Variants in PTPA observed in about 807,000 individuals in gnomAD.
PTPA encodes serine/threonine-protein phosphatase 2A activator.
A neutral mutation model predicts 43.6 loss-of-function variants in PTPA; 13 were observed. The observed-to-expected ratio is 0.30, with a 90% CI of 0.19 to 0.47. PTPA has a LOEUF of 0.47. Among genes scored for constraint, PTPA ranks in the 20% least tolerant of loss-of-function variants. The pLI, the probability that PTPA is intolerant of heterozygous loss-of-function variation, is 0.99. For synonymous variants in PTPA, 172 were observed against 158.2 expected (o/e 1.09, Z -0.66); for missense variants, 329 against 411.9 (o/e 0.80, Z 1.74).
At chr9:129,116,409 C>T (rs569064333) in intron 1 of PTPA, among the ~76,000 whole-genome samples, 5 of 119,362 alleles carry the variant, frequency 4.2e-5, no homozygotes, top group African/African-American at 7.5e-5. Flanking sequence ...TTTTTTGAGA[C>T]GGAGTCTCGC....
intron 8 of PTPA, among the ~76,000 whole-genome samples, chr9:129,139,067 AC>A (rs1850580654): frequency 6.6e-6 from 1 of 152,198 alleles, no homozygotes; most frequent in Admixed American, 6.5e-5. Context: ...TGCAGATGCC[AC>A]ACTGAGTTCT....
At chr9:129,141,523 TTAA>T (rs1850828829) in intron 8 of PTPA, 1 of 152,244 alleles carries the variant, frequency 6.6e-6, no homozygotes, top group Non-Finnish European at 1.5e-5. Context: ...AACTGCTTGG[TTAA>T]TAAATACAAA....
intron 6 of PTPA, 33 bp from the exon 7 acceptor site, chr9:129,136,438 T>C: frequency 6.3e-7 from 1 of 1,587,302 alleles, no homozygotes; most frequent in Non-Finnish European, 8.6e-7. Context: ...TTTTACTTTT[T>C]GCTACCTTCC....
In PTPA at chr9:129,135,164, G is replaced by A. The variant is rs369496398; in HGVS notation, c.560+270G>A. Among the ~76,000 whole-genome samples, 25 of 152,332 alleles carry A rather than the reference G, an allele frequency of 1.6e-4. 1 individual carries two copies. The East Asian group carries it at 3.9e-3, about 23-fold the overall frequency. ...AATCCCAGGACTTTGGGAGGCCCAG[G>A]CAGGCGGATCACGAGGTCAGGTGTT... is the stretch of plus-strand genomic sequence containing the variant. On this transcript the variant is annotated intron_variant, in intron 6 of 9. Transcript: ENST00000393370.
chr9:129,137,847 C>A, intron 8 of PTPA, 155 bp downstream of exon 8: 1 of 722,980 alleles, frequency 1.4e-6, no homozygotes, highest in Non-Finnish European at 2.5e-6. Flanking sequence ...ACCACTGGGC[C>A]TCTTCCGAAA....
chr9:129,138,196 G>A (rs1850510150), intron 8 of PTPA: 1 of 210,990 alleles, frequency 4.7e-6, no homozygotes, highest in Non-Finnish European at 9.8e-6. Context: ...TGCTGGAGTG[G>A]GAGTGCGCAG....
chr9:129,138,674 C>T (rs1169198468), intron 8 of PTPA, among the ~76,000 whole-genome samples: 3 of 152,338 alleles, frequency 2.0e-5, no homozygotes, highest in Middle Eastern at 3.4e-3. Context: ...GCCACGGGGG[C>T]TGCTCTCCGT....
At chr9:129,143,156 C>T (rs1851019129) in intron 9 of PTPA, 5 of 607,192 alleles carry the variant, frequency 8.2e-6, no homozygotes, top group Non-Finnish European at 1.5e-5. Context: ...AGGGTGTCTC[C>T]TGCCCTCTTG....
intron 3 of PTPA, among the ~76,000 whole-genome samples, chr9:129,127,129 C>T (rs533644586): frequency 6.1e-4 from 93 of 152,320 alleles, no homozygotes; most frequent in African/African-American, 2.2e-3. Flanking sequence ...GCCATCCTAG[C>T]CCTCTGCCTT....
upstream of PTPA, chr9:129,111,400 C>G (rs1054753472): frequency 1.2e-5 from 15 of 1,238,714 alleles, no homozygotes; most frequent in South Asian, 3.3e-4. Flanking sequence ...TAGGCTTGCT[C>G]CCTGAGCGCC....
intron 8 of PTPA, among the ~76,000 whole-genome samples, chr9:129,138,815 G>A (rs1276687769): frequency 1.3e-5 from 2 of 152,226 alleles, no homozygotes; most frequent in African/African-American, 4.8e-5. Context: ...AGAGGGGAAT[G>A]ACACATTTTT....
chr9:129,134,324 T>TTTTA (rs1554733072), intron 5 of PTPA, among the ~76,000 whole-genome samples: 14 of 96,402 alleles, frequency 1.5e-4, no homozygotes, highest in East Asian at 3.0e-4. Context: ...TTTTTTTTTT[T>TTTTA]GAGACAGTCT....
At chr9:129,113,663 G>C (rs1003091154) in intron 1 of PTPA, among the ~76,000 whole-genome samples, 5 of 151,922 alleles carry the variant, frequency 3.3e-5, no homozygotes, top group African/African-American at 7.2e-5. Flanking sequence ...GCAGCTACTC[G>C]GGAGGCTGAG....
upstream of PTPA, chr9:129,111,349 C>G (rs115207631): frequency 9.2e-5 from 110 of 1,196,332 alleles, no homozygotes; most frequent in Non-Finnish European, 1.1e-4. Context: ...CTGACATGGC[C>G]GTCGCCCGGT....
chr9:129,124,210 A>T (rs1010731286), intron 3 of PTPA, among the ~76,000 whole-genome samples: 2 of 149,202 alleles, frequency 1.3e-5, no homozygotes, highest in Admixed American at 6.7e-5. Context: ...ATCTTATTTT[A>T]TTTTTTTTTT....
At chr9:129,117,704 C>CT (rs1848971138) in intron 1 of PTPA, among the ~76,000 whole-genome samples, 1 of 87,556 alleles carries the variant, frequency 1.1e-5, no homozygotes, top group Non-Finnish European at 2.9e-5. Flanking sequence ...CACACCCAGC[C>CT]TCTTTTTTTT....
intron 5 of PTPA, 70 bp downstream of exon 5, chr9:129,131,709 T>C (rs890561148): frequency 7.1e-7 from 1 of 1,416,142 alleles, no homozygotes; most frequent in Non-Finnish European, 1.0e-6. Context: ...TCAGGTGGTC[T>C]CTGGGCCCTC....
rs906640465 is a variant in PTPA at position 129,142,311 on chromosome 9, C to CTG, written c.787-133_787-132dup. 4.7e-4 allele frequency: 361 copies of CTG among 771,664 alleles called. 1 individual carries two copies. The African/African-American group carries it at 5.5e-3, about 12-fold the overall frequency. The allele number at this position is 771,664 out of a possible 1,614,324, so 47.8% of individuals were successfully genotyped here. The stretch of plus-strand genomic sequence containing the variant: ...ATGCTATAGCTTGGTCCCCAAGTGT[C>CTG]TGCGCGTGCATTGTGTGCGTGTGCG... On this transcript the variant is annotated intron_variant, in intron 8 of 9. Coordinates refer to ENST00000393370, the MANE Select transcript of PTPA (RefSeq NM_178000.3).
At chr9:129,139,947 A>C (rs936729063) in intron 8 of PTPA, 1 of 152,290 alleles carries the variant, frequency 6.6e-6, no homozygotes, top group Non-Finnish European at 1.5e-5. Context: ...CAGGGCAGGC[A>C]GGAAAAGAAT....
Sources: allele counts gnomAD v4.1 joint callset (sites outside exome capture counted in the v4.1 genomes callset), GRCh38; gene constraint gnomAD v4.1.1; transcripts MANE v1.5; gene names NCBI Gene and HGNC (gene_info 2026-07-23, HGNC 2026-07-21).